CLPB: variants seen among roughly 807,000 people sequenced by gnomAD.
The protein encoded by CLPB is ClpB family mitochondrial disaggregase.
A neutral mutation model predicts 78.4 loss-of-function variants in CLPB; 40 were observed. The ratio of observed to expected loss-of-function variants is 0.51; its 90% CI spans 0.40 to 0.66. The LOEUF is 0.66. CLPB is among the 30% of genes least tolerant of loss of function. CLPB has a pLI of 0.00. For synonymous variants in CLPB, 333 were observed against 348.0 expected (o/e 0.96, Z 0.48); for missense variants, 780 against 886.9 (o/e 0.88, Z 1.53).
intron 5 of CLPB, among the ~76,000 whole-genome samples, chr11:72,347,313 C>T (rs1468071146): frequency 6.6e-6 from 1 of 152,062 alleles, no homozygotes; most frequent in East Asian, 1.9e-4. Flanking sequence ...TTTTTAACAA[C>T]TCAGCTAGGC....
At chr11:72,341,558 T>G (rs529471041) in intron 5 of CLPB, among the ~76,000 whole-genome samples, 22 of 152,318 alleles carry the variant, frequency 1.4e-4, no homozygotes, top group African/African-American at 5.3e-4. Flanking sequence ...AGTAGGAGTT[T>G]GATAGGTGGA....
At chr11:72,323,248 A>G (rs545271887) in intron 6 of CLPB, among the ~76,000 whole-genome samples, 43 of 152,230 alleles carry the variant, frequency 2.8e-4, no homozygotes, top group Non-Finnish European at 5.7e-4. Flanking sequence ...GGGACATTTT[A>G]CAAAATAACC....
intron 2 of CLPB, among the ~76,000 whole-genome samples, chr11:72,422,265 CA>C (rs71469431): frequency 0.034 from 845 of 24,918 alleles, 1 homozygote; most frequent in African/African-American, 0.094. Context: ...GACTCCGTCT[CA>C]AAAAAAAAAA....
chr11:72,351,060 G>A (rs1333190213), intron 5 of CLPB, among the ~76,000 whole-genome samples: 1 of 152,136 alleles, frequency 6.6e-6, no homozygotes, highest in African/African-American at 2.4e-5. Flanking sequence ...CAAACAAGAA[G>A]AAGAAACCTT....
intron 5 of CLPB, among the ~76,000 whole-genome samples, chr11:72,346,975 C>T (rs1346998990): frequency 7.5e-6 from 1 of 132,510 alleles, no homozygotes; most frequent in African/African-American, 3.0e-5. Context: ...GAGCAAAATT[C>T]CATCTCAAAA....
intron 4 of CLPB, among the ~76,000 whole-genome samples, chr11:72,368,746 C>T (rs1950989089): frequency 6.6e-6 from 1 of 152,200 alleles, no homozygotes. Context: ...TCTTGATGGA[C>T]AGACACTGTG....
In CLPB at chr11:72,308,635, G is replaced by GGGA. The variant is rs750205491; in HGVS notation, c.989-34_989-32dup. The GGGA allele has an allele frequency of 1.0e-5, 16 of 1,582,790 alleles. No individual in the cohort carries two copies. In the East Asian group the frequency reaches 3.6e-4, roughly 35 times the overall value. On this transcript the variant is annotated intron_variant, in intron 7 of 15. Transcript: ENST00000538039. ...GCCAAACACACAAGATCAGGGGACA[G>GGGA]GGAGGGAGGCAGATAAATCAATGAC...
At chr11:72,392,259 C>A (rs1855277043) in intron 3 of CLPB, among the ~76,000 whole-genome samples, 2 of 152,018 alleles carry the variant, frequency 1.3e-5, no homozygotes, top group South Asian at 4.1e-4. Context: ...AAGGAGAAGA[C>A]AAAGAGTGAC....
chr11:72,286,233 T>TTTTGTTTTTTTTTTTTTTTTTTTTTTG lies in CLPB; in HGVS notation c.*7133_*7134insCAAAAAAAAAAAAAAAAAAAAAACAAA. The TTTTGTTTTTTTTTTTTTTTTTTTTTTG allele has an allele frequency of 7.4e-6, 1 of 135,216 alleles. No homozygotes were observed. The highest frequency in any genetic ancestry group is 2.9e-5 in the African/African-American group (1 of 34,888). The allele number at this position is 135,216 out of a possible 1,614,324, so 8.4% of individuals were successfully genotyped here. A position where few individuals can be genotyped will look rare whatever the true frequency, so the allele number is the denominator to read the frequency against. ...TGAGATACTGCACCTGTTTTTTTTTTTTTTTTTTTTTTTAAGAGATAGGGT... is the reference window on the plus strand; with the variant it reads ...TGAGATACTGCACCTGTTTTTTTTTTTTTGTTTTTTTTTTTTTTTTTTTTTTGTTTTTTTTTTTTTAAGAGATAGGGT... On this transcript the variant is annotated 3_prime_UTR_variant, in exon 16 of 16. Coordinates refer to ENST00000538039, the MANE Select transcript of CLPB (RefSeq NM_001258392.3).
At chr11:72,365,662 T>A (rs2135636184) in intron 4 of CLPB, among the ~76,000 whole-genome samples, 1 of 151,558 alleles carries the variant, frequency 6.6e-6, no homozygotes, top group Non-Finnish European at 1.5e-5. Flanking sequence ...CAAACTATAC[T>A]ACAAGGCTAT....
At chr11:72,295,159 C>T (rs1268994556) in intron 12 of CLPB, among the ~76,000 whole-genome samples, 3 of 152,184 alleles carry the variant, frequency 2.0e-5, no homozygotes, top group African/African-American at 7.2e-5. Context: ...CCTTCTTGCA[C>T]CAAAGCATCT....
rs540786154 is a variant in CLPB at position 72,330,235 on chromosome 11, C to A, written c.776-431G>T. On this transcript the variant is annotated intron_variant, in intron 5 of 15. Transcript: ENST00000538039. Reference sequence around the variant, plus strand: ...TATCCCAAATAACAATTAAATGGTTCCCCTTCTTTGTTTTCTGCTACTCTC... The same window carrying A: ...TATCCCAAATAACAATTAAATGGTTACCCTTCTTTGTTTTCTGCTACTCTC... Among the ~76,000 whole-genome samples the A allele has an allele frequency of 4.9e-5, 7 of 142,374 alleles. No homozygotes were observed. In the East Asian group the frequency reaches 1.0e-3, roughly 21 times the overall value. 93.4% of individuals were successfully genotyped at this position (142,374 alleles called of 152,430 possible).
intron 5 of CLPB, among the ~76,000 whole-genome samples, chr11:72,356,000 G>A (rs999124418): frequency 7.9e-5 from 12 of 152,140 alleles, no homozygotes; most frequent in African/African-American, 1.9e-4. Flanking sequence ...AACCGGATGG[G>A]GCTGGGCGCG....
At chr11:72,432,356 T>A (rs1856570947) in intron 1 of CLPB, among the ~76,000 whole-genome samples, 2 of 152,256 alleles carry the variant, frequency 1.3e-5, no homozygotes, top group South Asian at 4.1e-4. Context: ...GAAGATACAT[T>A]TCCTGCTCTC....
intron 7 of CLPB, among the ~76,000 whole-genome samples, chr11:72,311,577 T>A (rs1949848105): frequency 6.6e-6 from 1 of 152,214 alleles, no homozygotes; most frequent in African/African-American, 2.4e-5. Context: ...TGCGCTGTAC[T>A]ATGGGAGCTT....
chr11:72,416,222 G>C (rs1180030488), intron 2 of CLPB, among the ~76,000 whole-genome samples: 1 of 152,168 alleles, frequency 6.6e-6, no homozygotes, highest in Non-Finnish European at 1.5e-5. Flanking sequence ...CAACTGCCCA[G>C]AAAGTCTTTC....
At chr11:72,367,628 G>C (rs1950968592) in intron 4 of CLPB, among the ~76,000 whole-genome samples, 1 of 152,022 alleles carries the variant, frequency 6.6e-6, no homozygotes, top group Non-Finnish European at 1.5e-5. Flanking sequence ...GGATGAAGGG[G>C]GGCACGGGTT....
At chr11:72,293,763 T>A in intron 15 of CLPB, 148 bp from the exon 16 acceptor site, 1 of 1,042,292 alleles carries the variant, frequency 9.6e-7, no homozygotes, top group East Asian at 2.6e-5. Flanking sequence ...TAATAACAGC[T>A]AGCTCGCAGG....
chr11:72,297,720 GCATA>G, intron 11 of CLPB, among the ~76,000 whole-genome samples: 1 of 145,636 alleles, frequency 6.9e-6, no homozygotes, highest in Non-Finnish European at 1.5e-5. Flanking sequence ...CCAAGCATGT[GCATA>G]TGACTGTGTG....
Sources: allele counts gnomAD v4.1 joint callset (sites outside exome capture counted in the v4.1 genomes callset), GRCh38; gene constraint gnomAD v4.1.1; transcripts MANE v1.5; gene names NCBI Gene and HGNC (gene_info 2026-07-23, HGNC 2026-07-21).